The following DOK6 variants were observed in gnomAD, a reference collection of about 807,000 sequenced individuals.
DOK6 encodes the protein downstream of tyrosine kinase 6.
DOK6 carries 22 observed loss-of-function variants against 44.0 expected under a neutral mutation model. The ratio of observed to expected loss-of-function variants is 0.50; its 90% CI spans 0.36 to 0.71. The LOEUF is 0.71. Ranked by LOEUF, DOK6 falls within the 30% of genes least tolerant of loss-of-function variation. DOK6 has a pLI of 0.00. For missense variants in DOK6, 340 were observed against 416.4 expected (o/e 0.82, Z 1.60); for synonymous variants, 166 against 145.5 (o/e 1.14, Z -1.01).
At chr18:69,778,480 G>C (rs1000466060) in intron 7 of DOK6, among the ~76,000 whole-genome samples, 9 of 152,162 alleles carry the variant, frequency 5.9e-5, no homozygotes, top group African/African-American at 2.2e-4. Flanking sequence ...TTACAAACAA[G>C]GCAATAAACA....
intron 7 of DOK6, among the ~76,000 whole-genome samples, chr18:69,794,765 C>T (rs1980696675): frequency 6.6e-6 from 1 of 152,152 alleles, no homozygotes; most frequent in South Asian, 2.1e-4. Flanking sequence ...ACATTCCTAC[C>T]TGAGCTCTAC....
In DOK6 at chr18:69,738,946, C is replaced by T. The variant is rs764316734; in HGVS notation, c.600-19C>T. On this transcript the variant is annotated intron_variant, in intron 5 of 7. Transcript: ENST00000382713. ...GAACACATGGAGACCCATCTCTTTC[C>T]CTATCTCTATTCTCACAGAATGTGT... The T allele has an allele frequency of 2.5e-6, 4 of 1,612,962 alleles. No individual in the cohort carries two copies. The highest frequency in any genetic ancestry group is 3.3e-5 in the Admixed American group (2 of 59,928).
At position 69,843,749 on chromosome 18, in the gene DOK6, A is replaced by C. The variant is rs1982286915; in HGVS notation, c.*2366A>C. On this transcript the variant is annotated 3_prime_UTR_variant, in exon 8 of 8. Coordinates refer to ENST00000382713, the MANE Select transcript of DOK6 (RefSeq NM_152721.6). ...AACCTCGGGCCAGTTCATTCTGAAAATGATGTCGTAAAAAGAGTATGTGTG... is the reference window on the plus strand; with the variant it reads ...AACCTCGGGCCAGTTCATTCTGAAACTGATGTCGTAAAAAGAGTATGTGTG... The C allele has an allele frequency of 1.3e-5, 2 of 152,240 alleles. No individual in the cohort carries two copies. Among genetic ancestry groups the C allele is most frequent in the Admixed American group, 6.5e-5 (1 of 15,294 alleles). The allele number at this position is 152,240 out of a possible 1,614,324, so 9.4% of individuals were successfully genotyped here.
At chr18:69,685,587 A>G (rs1986135306) in intron 4 of DOK6, among the ~76,000 whole-genome samples, 1 of 152,238 alleles carries the variant, frequency 6.6e-6, no homozygotes, top group Admixed American at 6.5e-5. Flanking sequence ...GCTCACCCAC[A>G]CCTACAAAGT....
intron 1 of DOK6, among the ~76,000 whole-genome samples, chr18:69,483,232 A>C (rs1980479657): frequency 6.6e-6 from 1 of 151,920 alleles, no homozygotes; most frequent in Non-Finnish European, 1.5e-5. Flanking sequence ...AAACCCCCAT[A>C]GTCTCAGCCC....
At chr18:69,754,099 A>C (rs555178421) in intron 6 of DOK6, among the ~76,000 whole-genome samples, 1 of 152,270 alleles carries the variant, frequency 6.6e-6, no homozygotes, top group East Asian at 1.9e-4. Context: ...TAGCATTTTA[A>C]GTTTTGTTTT....
intron 3 of DOK6, among the ~76,000 whole-genome samples, chr18:69,606,139 G>A (rs1376262219): frequency 6.6e-6 from 1 of 152,020 alleles, no homozygotes; most frequent in South Asian, 2.1e-4. Context: ...GGGCGTGGTG[G>A]TGCATGCCCG....
At chr18:69,647,118 TCTGTCTATC>T (rs1985101636) in intron 3 of DOK6, among the ~76,000 whole-genome samples, 2 of 152,172 alleles carry the variant, frequency 1.3e-5, no homozygotes, top group South Asian at 4.1e-4. Flanking sequence ...ATCTATCCTA[TCTGTCTATC>T]CTGTCTATCT....
At chr18:69,558,961 T>C (rs1443883517) in intron 1 of DOK6, among the ~76,000 whole-genome samples, 1 of 152,112 alleles carries the variant, frequency 6.6e-6, no homozygotes, top group Non-Finnish European at 1.5e-5. Flanking sequence ...CAACTGTTTA[T>C]AAACCTAAAC....
intron 2 of DOK6, among the ~76,000 whole-genome samples, chr18:69,577,123 T>A (rs1983257745): frequency 1.3e-5 from 2 of 152,098 alleles, no homozygotes; most frequent in African/African-American, 2.4e-5. Flanking sequence ...AAAGCAAACA[T>A]CTCAGAAAGT....
intron 1 of DOK6, among the ~76,000 whole-genome samples, chr18:69,468,926 C>G (rs968739311): frequency 3.9e-5 from 6 of 152,212 alleles, no homozygotes; most frequent in Non-Finnish European, 7.3e-5. Flanking sequence ...CTGTGACACA[C>G]TTCAGAGTAA....
At chr18:69,811,641 T>A (rs2852142) in intron 7 of DOK6, among the ~76,000 whole-genome samples, 119,374 of 148,086 alleles carry the variant, frequency 0.81, 48,540 homozygotes, top group Non-Finnish European at 0.86. Context: ...GAATTAACTT[T>A]TAAAAAGATA....
At chr18:69,712,247 C>CTG (rs2061649313) in intron 5 of DOK6, among the ~76,000 whole-genome samples, 1 of 125,150 alleles carries the variant, frequency 8.0e-6, no homozygotes, top group African/African-American at 3.1e-5. Context: ...CGCCACTGCA[C>CTG]TCCAGCCTGG....
At chr18:69,657,818 C>A (rs888363450) in intron 3 of DOK6, among the ~76,000 whole-genome samples, 5 of 152,184 alleles carry the variant, frequency 3.3e-5, no homozygotes, top group Admixed American at 3.3e-4. Flanking sequence ...TTCTACCAGA[C>A]CTAAGACACA....
At chr18:69,786,345 C>T (rs113690608) in intron 7 of DOK6, among the ~76,000 whole-genome samples, 1 of 152,190 alleles carries the variant, frequency 6.6e-6, no homozygotes, top group Non-Finnish European at 1.5e-5. Context: ...ATATGTTAGA[C>T]TGCTTCCCTT....
intron 3 of DOK6, among the ~76,000 whole-genome samples, chr18:69,674,236 A>T (rs1211405379): frequency 6.6e-6 from 1 of 152,216 alleles, no homozygotes; most frequent in Non-Finnish European, 1.5e-5. Context: ...TATAAAACCA[A>T]AGCTTTGTCT....
In DOK6 at chr18:69,645,684, G is replaced by GA. The variant is rs531008819; in HGVS notation, c.290-32041dup. ...TGACATGCCTGAGCCTTTATCCCAG[G>GA]AAAAAAAAATGAATACTTAGGTCTA... is the stretch of plus-strand genomic sequence containing the variant. On this transcript the variant is annotated intron_variant, in intron 3 of 7. Transcript: ENST00000382713. Among the ~76,000 whole-genome samples, 453 of 149,438 alleles carry GA rather than the reference G, an allele frequency of 3.0e-3. 1 individual carries two copies. Among genetic ancestry groups the GA allele is most frequent in the Non-Finnish European group, 5.4e-3 (365 of 67,226 alleles).
chr18:69,607,142 A>G (rs1334440085), intron 3 of DOK6, among the ~76,000 whole-genome samples: 1 of 152,170 alleles, frequency 6.6e-6, no homozygotes, highest in Non-Finnish European at 1.5e-5. Context: ...AGAACCAGAA[A>G]CTAGGCCCTT....
chr18:69,459,094 C>T (rs1979710783), intron 1 of DOK6, among the ~76,000 whole-genome samples: 1 of 98,968 alleles, frequency 1.0e-5, no homozygotes, highest in Admixed American at 1.2e-4. Flanking sequence ...AGACTCCCCC[C>T]AACAACCCCC....
Sources: gnomAD v4.1 joint callset for allele counts (sites outside exome capture counted in the v4.1 genomes callset) on GRCh38, gnomAD v4.1.1 for gene constraint, MANE v1.5 for transcripts, NCBI Gene and HGNC (gene_info 2026-07-23, HGNC 2026-07-21) for gene names.